Variants in PINX1 observed in about 807,000 individuals in gnomAD.
PINX1 encodes PIN2/TERF1-interacting telomerase inhibitor 1.
Under a neutral mutation model 25.4 loss-of-function variants are expected in PINX1, and 34 were observed. That is an observed-to-expected ratio of 1.34 (90% CI 1.02 to 1.78). The LOEUF is 1.78. PINX1 is among the 40% of genes most tolerant of loss of function. The pLI is 0.00. For missense variants in PINX1, 592 were observed against 404.9 expected (o/e 1.46, Z -3.97); for synonymous variants, 197 against 147.7 (o/e 1.33, Z -2.42).
intron 6 of PINX1, among the ~76,000 whole-genome samples, chr8:10,819,862 C>G (rs1042128624): frequency 5.1e-4 from 78 of 152,152 alleles, no homozygotes; most frequent in African/African-American, 1.5e-3. Context: ...AAAATCCCTC[C>G]CCTTCTCGGC....
At chr8:10,775,316 T>C (rs977996597) in intron 6 of PINX1, among the ~76,000 whole-genome samples, 7 of 151,996 alleles carry the variant, frequency 4.6e-5, no homozygotes, top group Non-Finnish European at 2.9e-5. Flanking sequence ...TTGTTTGCAG[T>C]TCTGAACCCA....
chr8:10,826,258 G>T lies in PINX1; in HGVS notation c.302-14C>A. ...TGTCCGAGGAATCTTTAAAAAAGAT[G>T]AAAAAAATACATTAAAGTCTTTCTA... On this transcript the variant is annotated splice_polypyrimidine_tract_variant and intron_variant, in intron 4 of 6. Coordinates refer to ENST00000314787, the MANE Select transcript of PINX1 (RefSeq NM_017884.6). 7.3e-7 allele frequency: 1 copy of T among 1,362,770 alleles called. No individual in the cohort carries two copies. Among genetic ancestry groups the T allele is most frequent in the Non-Finnish European group, 1.0e-6 (1 of 972,344 alleles). The allele number at this position is 1,362,770 out of a possible 1,614,324, so 84.4% of individuals were successfully genotyped here. A position where few individuals can be genotyped will look rare whatever the true frequency, so the allele number is the denominator to read the frequency against.
chr8:10,793,526 C>T (rs1801989565), intron 6 of PINX1, among the ~76,000 whole-genome samples: 1 of 152,202 alleles, frequency 6.6e-6, no homozygotes, highest in Non-Finnish European at 1.5e-5. Flanking sequence ...ACATTCAAAG[C>T]CGCCCTGGGC....
At chr8:10,776,446 T>TAAAC (rs34577114) in intron 6 of PINX1, among the ~76,000 whole-genome samples, 70 of 150,564 alleles carry the variant, frequency 4.6e-4, no homozygotes, top group Non-Finnish European at 5.6e-4. Flanking sequence ...AATAAATAAA[T>TAAAC]AAACAAACAA....
chr8:10,770,317 C>T (rs1418613100), intron 6 of PINX1, among the ~76,000 whole-genome samples: 2 of 152,210 alleles, frequency 1.3e-5, no homozygotes, highest in Non-Finnish European at 2.9e-5. Flanking sequence ...AATCTTAACG[C>T]CATCTCTGGC....
At chr8:10,778,879 T>C (rs1469684427) in intron 6 of PINX1, among the ~76,000 whole-genome samples, 1 of 152,236 alleles carries the variant, frequency 6.6e-6, no homozygotes, top group African/African-American at 2.4e-5. Context: ...CTTTTACCCA[T>C]GTAAGTTTTT....
chr8:10,799,020 G>A (rs1015415144), intron 6 of PINX1, among the ~76,000 whole-genome samples: 3 of 152,132 alleles, frequency 2.0e-5, no homozygotes, highest in Non-Finnish European at 4.4e-5. Context: ...CACTTTCACA[G>A]CAAGGAAATT....
At chr8:10,815,842 G>A (rs984836546) in intron 6 of PINX1, among the ~76,000 whole-genome samples, 1 of 152,142 alleles carries the variant, frequency 6.6e-6, no homozygotes, top group Non-Finnish European at 1.5e-5. Context: ...ATCTCTACAA[G>A]GAGTTCTCTA....
intron 4 of PINX1, among the ~76,000 whole-genome samples, chr8:10,826,937 T>A (rs1798070573): frequency 6.6e-6 from 1 of 152,200 alleles, no homozygotes. Context: ...GCTGCATGAA[T>A]CTGCACTTGT....
chr8:10,807,077 G>C (rs1563222128), intron 6 of PINX1, among the ~76,000 whole-genome samples: 1 of 152,106 alleles, frequency 6.6e-6, no homozygotes, highest in African/African-American at 2.4e-5. Context: ...CATGAAGGGA[G>C]CAAACCAAAA....
At chr8:10,796,907 G>T (rs1182330674) in intron 6 of PINX1, among the ~76,000 whole-genome samples, 1 of 151,966 alleles carries the variant, frequency 6.6e-6, no homozygotes, top group Non-Finnish European at 1.5e-5. Flanking sequence ...ACAACTATCA[G>T]CACTCCCCTC....
intron 6 of PINX1, among the ~76,000 whole-genome samples, chr8:10,810,065 T>A (rs760013882): frequency 1.3e-5 from 2 of 152,086 alleles, no homozygotes; most frequent in Non-Finnish European, 2.9e-5. Flanking sequence ...AACAACCAGG[T>A]CTCGTGTGAA....
At chr8:10,837,440 A>G (rs1173569045) in intron 1 of PINX1, among the ~76,000 whole-genome samples, 1 of 152,168 alleles carries the variant, frequency 6.6e-6, no homozygotes, top group East Asian at 1.9e-4. Flanking sequence ...TTGCTGTAAT[A>G]AATCTTAGCA....
intron 4 of PINX1, among the ~76,000 whole-genome samples, chr8:10,826,784 C>T (rs964301981): frequency 6.6e-5 from 10 of 152,168 alleles, no homozygotes; most frequent in Admixed American, 5.2e-4. Context: ...AGAACATTCT[C>T]GACATGACAA....
At chr8:10,784,162 T>C (rs906089360) in intron 6 of PINX1, among the ~76,000 whole-genome samples, 2 of 152,216 alleles carry the variant, frequency 1.3e-5, no homozygotes, top group African/African-American at 2.4e-5. Context: ...GCCTGTATAA[T>C]AACACACAGA....
chr8:10,786,371 T>C (rs1801747380), intron 6 of PINX1, among the ~76,000 whole-genome samples: 1 of 152,148 alleles, frequency 6.6e-6, no homozygotes, highest in East Asian at 1.9e-4. Context: ...GTGGCTGTCT[T>C]GGTAAACAGG....
At chr8:10,795,234 C>T (rs368479187) in intron 6 of PINX1, among the ~76,000 whole-genome samples, 3 of 152,202 alleles carry the variant, frequency 2.0e-5, no homozygotes, top group East Asian at 1.9e-4. Flanking sequence ...TCTGCCTCTG[C>T]CAAGTTCAGT....
intron 4 of PINX1, among the ~76,000 whole-genome samples, chr8:10,829,993 G>C (rs1456508190): frequency 6.6e-6 from 1 of 152,132 alleles, no homozygotes; most frequent in Non-Finnish European, 1.5e-5. Flanking sequence ...TCTTATCTGT[G>C]TTTCTACTGA....
intron 6 of PINX1, among the ~76,000 whole-genome samples, chr8:10,809,489 C>G (rs913766827): frequency 1.3e-5 from 2 of 152,212 alleles, no homozygotes; most frequent in African/African-American, 4.8e-5. Flanking sequence ...TCACAGGGCT[C>G]ATTTTCCCTG....
Sources: gnomAD v4.1 joint callset for allele counts (sites outside exome capture counted in the v4.1 genomes callset) on GRCh38, gnomAD v4.1.1 for gene constraint, MANE v1.5 for transcripts, NCBI Gene and HGNC (gene_info 2026-07-23, HGNC 2026-07-21) for gene names.